MEF2A: variants seen among roughly 807,000 people sequenced by gnomAD.
The protein encoded by MEF2A is myocyte-specific enhancer factor 2A.
In MEF2A, 28 loss-of-function variants were observed where a neutral mutation model predicts 55.8. The observed-to-expected ratio is 0.50, with a 90% CI of 0.37 to 0.69. The LOEUF (loss-of-function observed/expected upper bound fraction) is 0.69. MEF2A is among the 30% of genes least tolerant of loss of function. The pLI is 0.00. For missense variants in MEF2A, 528 were observed against 626.2 expected (o/e 0.84, Z 1.67); for synonymous variants, 239 against 227.1 (o/e 1.05, Z -0.47).
At chr15:99,565,444 CGCTCCCGGCCTGG>C (rs1959160364), upstream of MEF2A, 1 of 149,378 alleles carries the variant, frequency 6.7e-6, no homozygotes, top group South Asian at 2.1e-4. Context: ...GTCACCGGGC[CGCTCCCGGCCTGG>C]GCTCCCGGGG....
At position 99,690,766 on chromosome 15, in the gene MEF2A, T is replaced by A. The variant is rs1461536033; in HGVS notation, c.858+338T>A. 26 of 430,542 alleles carry A rather than the reference T, an allele frequency of 6.0e-5. 3 individuals are homozygous for A. Among genetic ancestry groups the A allele is most frequent in the South Asian group, 4.4e-4 (25 of 57,204 alleles). 26.7% of individuals were successfully genotyped at this position (430,542 alleles called of 1,614,324 possible). ...CCTAAAAAAATTGGTCTTGTGGAGATAGAGAATAGAATGATAGCAGAGGCT... is the reference window on the plus strand; with the variant it reads ...CCTAAAAAAATTGGTCTTGTGGAGAAAGAGAATAGAATGATAGCAGAGGCT... On this transcript the variant is annotated intron_variant, in intron 8 of 11. Coordinates refer to ENST00000557942, the MANE Select transcript of MEF2A (RefSeq NM_001319206.4).
intron 1 of MEF2A, among the ~76,000 whole-genome samples, chr15:99,585,222 T>G (rs1327721426): frequency 6.6e-6 from 1 of 152,218 alleles, no homozygotes; most frequent in Non-Finnish European, 1.5e-5. Context: ...GTTAAGGTTA[T>G]ACAAAATTGT....
intron 2 of MEF2A, among the ~76,000 whole-genome samples, chr15:99,630,413 G>T (rs1479597559): frequency 6.6e-6 from 1 of 151,816 alleles, no homozygotes; most frequent in African/African-American, 2.4e-5. Context: ...TGTATTTTTT[G>T]ATTTCATGTT....
At chr15:99,619,126 T>A (rs2570932) in intron 2 of MEF2A, among the ~76,000 whole-genome samples, 2 of 152,060 alleles carry the variant, frequency 1.3e-5, no homozygotes, top group Non-Finnish European at 1.5e-5. Context: ...TCTTTATGTC[T>A]CTAGGGTTTA....
chr15:99,637,641 CTT>C (rs745441432), intron 3 of MEF2A, among the ~76,000 whole-genome samples: 2 of 146,128 alleles, frequency 1.4e-5, no homozygotes, highest in Non-Finnish European at 3.0e-5. Flanking sequence ...TATTGTCTGT[CTT>C]TTTTTTTTTT....
intron 4 of MEF2A, among the ~76,000 whole-genome samples, chr15:99,647,690 G>A (rs940522375): frequency 3.3e-5 from 5 of 152,010 alleles, no homozygotes; most frequent in Non-Finnish European, 5.9e-5. Flanking sequence ...AAACTTTTGC[G>A]GCTCAATTAC....
chr15:99,623,025 A>G (rs2041489258), intron 2 of MEF2A, among the ~76,000 whole-genome samples: 1 of 152,044 alleles, frequency 6.6e-6, no homozygotes, highest in Non-Finnish European at 1.5e-5. Flanking sequence ...TCTCAAACTG[A>G]AACTCTGTAC....
intron 3 of MEF2A, among the ~76,000 whole-genome samples, chr15:99,641,157 G>A (rs920472776): frequency 2.6e-5 from 4 of 152,134 alleles, no homozygotes; most frequent in South Asian, 2.1e-4. Context: ...AGAGGACATC[G>A]GAAGAAGATA....
chr15:99,692,227 G>T (rs1161917848), intron 8 of MEF2A, among the ~76,000 whole-genome samples: 1 of 152,184 alleles, frequency 6.6e-6, no homozygotes, highest in Non-Finnish European at 1.5e-5. Context: ...GCAAGGTAGA[G>T]ATGTGGAAAC....
rs940081475 is a variant in MEF2A at position 99,571,152 on chromosome 15, C to G, written c.-225+5048C>G. On this transcript the variant is annotated intron_variant, in intron 1 of 11. Coordinates refer to ENST00000557942, the MANE Select transcript of MEF2A (RefSeq NM_001319206.4). Reference sequence around the variant, plus strand: ...TGAGCCGAGATCGTGCCACTGCACTCCAGCCTGGGTGATAGAATGAGACTC... The same window carrying G: ...TGAGCCGAGATCGTGCCACTGCACTGCAGCCTGGGTGATAGAATGAGACTC... 2.0e-5 allele frequency among the ~76,000 whole-genome samples: 3 copies of G among 151,586 alleles called. No homozygotes were observed. The East Asian group carries it at 5.8e-4, about 29-fold the overall frequency.
intron 1 of MEF2A, among the ~76,000 whole-genome samples, chr15:99,570,538 T>C (rs1014039384): frequency 6.6e-6 from 1 of 152,238 alleles, no homozygotes; most frequent in African/African-American, 2.4e-5. Flanking sequence ...ATTTTTACTT[T>C]GTTACTTGCG....
chr15:99,671,601 A>G, intron 5 of MEF2A, 147 bp downstream of exon 5: 1 of 1,597,744 alleles, frequency 6.3e-7, no homozygotes, highest in Non-Finnish European at 8.5e-7. Context: ...TACAGAAGAA[A>G]AATATAAAAA....
intron 5 of MEF2A, 181 bp downstream of exon 5, chr15:99,671,635 T>C: frequency 6.3e-7 from 1 of 1,585,646 alleles, no homozygotes; most frequent in Non-Finnish European, 8.6e-7. Context: ...TTTGATAATA[T>C]GATGCGGAAT....
At chr15:99,692,944 G>A (rs1446021952) in intron 8 of MEF2A, among the ~76,000 whole-genome samples, 2 of 152,206 alleles carry the variant, frequency 1.3e-5, no homozygotes, top group Non-Finnish European at 2.9e-5. Flanking sequence ...GATGCCAGGA[G>A]AGTGGCAGGA....
intron 4 of MEF2A, among the ~76,000 whole-genome samples, chr15:99,658,207 A>T (rs760974928): frequency 5.3e-5 from 8 of 152,158 alleles, no homozygotes; most frequent in Non-Finnish European, 1.0e-4. Context: ...TGAAAATATC[A>T]GTAGGAAACA....
At chr15:99,711,405 A>G (rs2058629749) in intron 11 of MEF2A, among the ~76,000 whole-genome samples, 1 of 152,356 alleles carries the variant, frequency 6.6e-6, no homozygotes, top group South Asian at 2.1e-4. Context: ...GTGTAAGGAT[A>G]TAAGCAAAGA....
At position 99,641,835 on chromosome 15, in the gene MEF2A, T is replaced by C. The variant is rs529370632; in HGVS notation, c.55-3726T>C. Among the ~76,000 whole-genome samples, 5 of 152,316 alleles carry C rather than the reference T, an allele frequency of 3.3e-5. No individual in the cohort carries two copies. In the East Asian group the frequency reaches 9.6e-4, roughly 29 times the overall value. On this transcript the variant is annotated intron_variant, in intron 3 of 11. Transcript: ENST00000557942. ...CATACCCTCTGGGGTTTCTCACTTT[T>C]TCTTCATTATTCCTTTACAGATTTA...
At chr15:99,663,817 T>A (rs772197133) in intron 4 of MEF2A, among the ~76,000 whole-genome samples, 7 of 152,186 alleles carry the variant, frequency 4.6e-5, no homozygotes, top group Middle Eastern at 3.2e-3. Flanking sequence ...AAGTATCTTT[T>A]TTCTTTCTTT....
intron 4 of MEF2A, among the ~76,000 whole-genome samples, chr15:99,670,878 C>T (rs1462765400): frequency 6.6e-6 from 1 of 152,172 alleles, no homozygotes; most frequent in Non-Finnish European, 1.5e-5. Context: ...AGGATAAAAA[C>T]TCCGATAGGC....
Sources: gnomAD v4.1 joint callset for allele counts (sites outside exome capture counted in the v4.1 genomes callset) on GRCh38, gnomAD v4.1.1 for gene constraint, MANE v1.5 for transcripts, NCBI Gene and HGNC (gene_info 2026-07-23, HGNC 2026-07-21) for gene names.